The following C8B variants were observed in gnomAD, a reference collection of about 807,000 sequenced individuals.
C8B encodes complement C8 beta chain, also known as complement component C8 beta chain.
A neutral mutation model predicts 64.6 loss-of-function variants in C8B; 67 were observed. The ratio of observed to expected loss-of-function variants is 1.04; its 90% CI spans 0.85 to 1.27. C8B has a LOEUF of 1.27. C8B is among the 50% of genes most tolerant of loss of function. The pLI is 0.00. For synonymous variants in C8B, 284 were observed against 257.7 expected (o/e 1.10, Z -0.98); for missense variants, 790 against 725.2 (o/e 1.09, Z -1.03).
chr1:56,953,251 AC>A (rs1303777562), intron 4 of C8B, among the ~76,000 whole-genome samples: 1 of 151,888 alleles, frequency 6.6e-6, no homozygotes, highest in East Asian at 1.9e-4. Flanking sequence ...ATCAGCTTCC[AC>A]TTATTGGCCT....
chr1:56,946,543 A>G (rs1029691788), intron 6 of C8B, among the ~76,000 whole-genome samples: 16 of 152,234 alleles, frequency 1.1e-4, no homozygotes, highest in African/African-American at 3.9e-4. Flanking sequence ...CTGTACCTGT[A>G]AATAAAGTTT....
At chr1:56,947,185 C>T (rs182248486) in intron 6 of C8B, among the ~76,000 whole-genome samples, 1 of 152,306 alleles carries the variant, frequency 6.6e-6, no homozygotes, top group Non-Finnish European at 1.5e-5. Context: ...GACCATGCTC[C>T]TCTTGGCTTA....
At chr1:56,947,386 G>T (rs529491915) in intron 6 of C8B, among the ~76,000 whole-genome samples, 1 of 152,246 alleles carries the variant, frequency 6.6e-6, no homozygotes, top group Non-Finnish European at 1.5e-5. Context: ...ACTTTTCACT[G>T]TTCCCCAAGC....
Position 56,940,978 on chromosome 1 carries a change from C to A in C8B, c.1269G>T (p.Leu423Phe). ...TTGCCCCTCCTCGTACCAGGACCAC[C>A]AAGTCCTCCACCATGGTGTCCCTCT... ...RNKRDTMVED[L>F]VVLVRGGASE... Residue 423 changes from leucine to phenylalanine, a missense_variant, in exon 9 of 12, where the codon TTG (leucine) becomes TTT (phenylalanine). Coordinates refer to ENST00000371237, the MANE Select transcript of C8B (RefSeq NM_000066.4). 1 of 1,614,130 alleles carries A rather than the reference C, an allele frequency of 6.2e-7. No homozygotes were observed. The highest frequency in any genetic ancestry group is 8.5e-7 in the Non-Finnish European group (1 of 1,180,016).
intron 4 of C8B, among the ~76,000 whole-genome samples, chr1:56,952,445 A>G (rs1186659155): frequency 6.6e-6 from 1 of 152,098 alleles, no homozygotes; most frequent in Non-Finnish European, 1.5e-5. Flanking sequence ...TGCGCCCAGA[A>G]TGCCCTTCCA....
At chr1:56,955,721 T>G (rs1645093169) in intron 3 of C8B, among the ~76,000 whole-genome samples, 1 of 152,222 alleles carries the variant, frequency 6.6e-6, no homozygotes, top group Admixed American at 6.5e-5. Flanking sequence ...AAAAAGTCTC[T>G]CAGATTTATT....
chr1:56,943,328 C>T (rs1055204675), intron 8 of C8B, among the ~76,000 whole-genome samples: 3 of 152,098 alleles, frequency 2.0e-5, no homozygotes, highest in African/African-American at 7.2e-5. Flanking sequence ...GTTATAATTG[C>T]TTGAAAGAGG....
At chr1:56,951,236 C>A (rs1645016765) in intron 5 of C8B, among the ~76,000 whole-genome samples, 1 of 152,052 alleles carries the variant, frequency 6.6e-6, no homozygotes, top group Non-Finnish European at 1.5e-5. Context: ...CACCACCACA[C>A]CCGGCTAGAA....
At position 56,946,029 on chromosome 1, in the gene C8B, A is replaced by G. The variant is rs534197740; in HGVS notation, c.897T>C (p.Leu299=). 1.2e-6 allele frequency: 2 copies of G among 1,614,126 alleles called. No homozygotes were observed. The highest frequency in any genetic ancestry group is 2.7e-5 in the African/African-American group (2 of 75,048). Residue 299 remains leucine (L), a synonymous_variant, in exon 7 of 12, where the codon CTT becomes CTC. Coordinates refer to ENST00000371237, the MANE Select transcript of C8B (RefSeq NM_000066.4). Reference sequence around the variant, plus strand: ...GTTTCAGCTTGTAATGTGCTACTTCAAGGTCAGAGCGTGCATGCAGAAATA... The same window carrying G: ...GTTTCAGCTTGTAATGTGCTACTTCGAGGTCAGAGCGTGCATGCAGAAATA... ...KSVFLHARSD[L]EVAHYKLKPR...
intron 2 of C8B, 110 bp from the exon 3 acceptor site, chr1:56,957,020 A>G: frequency 8.8e-7 from 1 of 1,135,608 alleles, no homozygotes; most frequent in Non-Finnish European, 1.3e-6. Flanking sequence ...TCACAAGAGC[A>G]CTGAAATGTC....
intron 4 of C8B, among the ~76,000 whole-genome samples, chr1:56,953,088 G>T (rs1184418138): frequency 6.6e-6 from 1 of 152,190 alleles, no homozygotes; most frequent in East Asian, 1.9e-4. Context: ...TGTCCCTGCA[G>T]CTCTGTGCAA....
At chr1:56,953,286 G>A (rs1363467594) in intron 4 of C8B, among the ~76,000 whole-genome samples, 1 of 152,128 alleles carries the variant, frequency 6.6e-6, no homozygotes, top group East Asian at 1.9e-4. Context: ...CACCAGAATT[G>A]TCTGGGGTCT....
intron 9 of C8B, among the ~76,000 whole-genome samples, chr1:56,939,953 T>G (rs1644826400): frequency 6.6e-6 from 1 of 152,174 alleles, no homozygotes; most frequent in South Asian, 2.1e-4. Context: ...AAGAGGGTCG[T>G]GAATATATTA....
chr1:56,963,974 C>G (rs886273339), intron 1 of C8B: 6 of 985,242 alleles, frequency 6.1e-6, no homozygotes, highest in Non-Finnish European at 7.2e-6. Context: ...TTCTTCTACT[C>G]GCAGATGGAA....
chr1:56,951,962 C>CCAAGGTCACACAGT, intron 5 of C8B, 86 bp downstream of exon 5: 1 of 389,550 alleles, frequency 2.6e-6, no homozygotes, highest in South Asian at 3.3e-5. Context: ...GAGAAAAGGG[C>CCAAGGTCACACAGT]TAGCAGGCTG....
At chr1:56,930,026 C>T (rs1644676453) in intron 11 of C8B, among the ~76,000 whole-genome samples, 1 of 152,148 alleles carries the variant, frequency 6.6e-6, no homozygotes, top group Admixed American at 6.6e-5. Context: ...GTGACTGGGG[C>T]TGTATCTTAT....
intron 5 of C8B, among the ~76,000 whole-genome samples, chr1:56,950,661 CG>C: frequency 6.6e-6 from 1 of 152,318 alleles, no homozygotes. Flanking sequence ...CACTGAGATG[CG>C]CTGTGTCTCT....
rs530181040 is a variant in C8B at position 56,956,905 on chromosome 1, C to A, written c.255G>T (p.Arg85Ser). Residue 85 changes from arginine (R) to serine (S), a missense_variant, in exon 3 of 12, where the codon AGG becomes AGT. Physicochemically the swap from Arg to Ser is moderately radical, Grantham distance 110. Coordinates refer to ENST00000371237, the MANE Select transcript of C8B (RefSeq NM_000066.4). ...GAGAGGGCTGGAGCAAGTAGGCATA[C>A]CTGTACTGTAGCAGAGAGGAGCCAG... ...TCDPCQKKRY[R>S]YAYLLQPSQF... 1.4e-5 allele frequency: 22 copies of A among 1,613,936 alleles called. No individual in the cohort carries two copies. Among genetic ancestry groups the A allele is most frequent in the East Asian group, 6.7e-5 (3 of 44,884 alleles).
chr1:56,945,475 T>C (rs1289333902), intron 7 of C8B, among the ~76,000 whole-genome samples: 3 of 152,168 alleles, frequency 2.0e-5, no homozygotes, highest in East Asian at 1.9e-4. Context: ...TGAGATTTGC[T>C]ACACATTCAC....
Sources: gnomAD v4.1 joint callset for allele counts (sites outside exome capture counted in the v4.1 genomes callset) on GRCh38, gnomAD v4.1.1 for gene constraint, MANE v1.5 for transcripts, NCBI Gene and HGNC (gene_info 2026-07-23, HGNC 2026-07-21) for gene names.